CYP19A1: variants seen among roughly 807,000 people sequenced by gnomAD.
CYP19A1 encodes aromatase.
In CYP19A1, 32 loss-of-function variants were observed where a neutral mutation model predicts 44.4. That is an observed-to-expected ratio of 0.72 (90% CI 0.54 to 0.97). The LOEUF is 0.97. Ranked by LOEUF, CYP19A1 falls within the 50% of genes least tolerant of loss-of-function variation. CYP19A1 has a pLI of 0.00. For synonymous variants in CYP19A1, 212 were observed against 215.6 expected (o/e 0.98, Z 0.14); for missense variants, 598 against 637.8 (o/e 0.94, Z 0.67).
intron 1 of CYP19A1, among the ~76,000 whole-genome samples, chr15:51,334,915 C>T (rs550660023): frequency 3.9e-5 from 6 of 152,288 alleles, no homozygotes; most frequent in Middle Eastern, 3.4e-3. Flanking sequence ...GGTAAAAGCC[C>T]AGTCACTCTG....
chr15:51,211,685 G>A, intron 9 of CYP19A1: 1 of 437,034 alleles, frequency 2.3e-6, no homozygotes, highest in South Asian at 1.7e-5. Context: ...TACACCATAT[G>A]CAAATTGAAA....
At position 51,289,797 on chromosome 15, in the gene CYP19A1, G is replaced by A. The variant is rs530053585; in HGVS notation, c.-38-46847C>T. Reference sequence around the variant, plus strand: ...TTTTTAATATTTAACCTTGAAGGGTGGGGAGATGAGAGGGGAATGGGATAG... The same window carrying A: ...TTTTTAATATTTAACCTTGAAGGGTAGGGAGATGAGAGGGGAATGGGATAG... On this transcript the variant is annotated intron_variant, in intron 1 of 9. Transcript: ENST00000396402. 2.0e-4 allele frequency among the ~76,000 whole-genome samples: 31 copies of A among 152,300 alleles called. No homozygotes were observed. The South Asian group carries it at 5.8e-3, about 29-fold the overall frequency.
intron 1 of CYP19A1, among the ~76,000 whole-genome samples, chr15:51,267,243 G>A (rs2034953358): frequency 6.6e-6 from 1 of 152,180 alleles, no homozygotes; most frequent in Non-Finnish European, 1.5e-5. Context: ...GGCACTAGGC[G>A]AGGCAGGGGG....
At chr15:51,294,080 C>G in intron 1 of CYP19A1, among the ~76,000 whole-genome samples, 1 of 137,286 alleles carries the variant, frequency 7.3e-6, no homozygotes, top group African/African-American at 3.3e-5. Context: ...AGGAGCGTCT[C>G]TGCCCGGCCG....
intron 1 of CYP19A1, among the ~76,000 whole-genome samples, chr15:51,306,983 T>C (rs1464340664): frequency 1.3e-5 from 2 of 152,142 alleles, no homozygotes; most frequent in African/African-American, 4.8e-5. Context: ...AACCAGATAA[T>C]GGCAAGCCAG....
chr15:51,302,613 C>G (rs1229619832), intron 1 of CYP19A1, among the ~76,000 whole-genome samples: 2 of 152,202 alleles, frequency 1.3e-5, no homozygotes, highest in Non-Finnish European at 1.5e-5. Context: ...TGGCTTTCCC[C>G]TCTCCCCACT....
At chr15:51,257,263 A>C (rs1307656609) in intron 1 of CYP19A1, among the ~76,000 whole-genome samples, 1 of 152,176 alleles carries the variant, frequency 6.6e-6, no homozygotes, top group African/African-American at 2.4e-5. Flanking sequence ...GTGGCTTGGC[A>C]ATATTAGGTA....
chr15:51,336,766 A>G (rs946693388), intron 1 of CYP19A1, among the ~76,000 whole-genome samples: 4 of 152,332 alleles, frequency 2.6e-5, no homozygotes, highest in Admixed American at 6.5e-5. Flanking sequence ...CTGCCTTTTA[A>G]TGGAAAAACT....
chr15:51,234,920 A>C (rs780763341), intron 3 of CYP19A1, among the ~76,000 whole-genome samples: 1 of 152,170 alleles, frequency 6.6e-6, no homozygotes, highest in Non-Finnish European at 1.5e-5. Context: ...GGCAGCAGGT[A>C]GATATCCTTC....
At chr15:51,229,645 T>C (rs1191060174) in intron 3 of CYP19A1, among the ~76,000 whole-genome samples, 3 of 152,098 alleles carry the variant, frequency 2.0e-5, no homozygotes, top group Admixed American at 6.5e-5. Context: ...TTGTCATATA[T>C]AGAAAAATTA....
At position 51,292,856 on chromosome 15, in the gene CYP19A1, G is replaced by A. The variant is rs1435968944; in HGVS notation, c.-39+45639C>T. Among the ~76,000 whole-genome samples, 4 of 151,284 alleles carry A rather than the reference G, an allele frequency of 2.6e-5. No individual in the cohort carries two copies. The South Asian group carries it at 6.3e-4, about 24-fold the overall frequency. On this transcript the variant is annotated intron_variant, in intron 1 of 9. Coordinates refer to ENST00000396402, the MANE Select transcript of CYP19A1 (RefSeq NM_000103.4). ...CCAAGAGATGCCATTTCCTTTGACT[G>A]GGGTCCTTTAGTGGACACAGGTCTG...
At chr15:51,336,514 G>A (rs1453934926) in intron 1 of CYP19A1, among the ~76,000 whole-genome samples, 3 of 152,172 alleles carry the variant, frequency 2.0e-5, no homozygotes, top group Non-Finnish European at 4.4e-5. Context: ...CCAGTGTGGT[G>A]GAAGGGTGGT....
chr15:51,304,050 C>T (rs1295264026), intron 1 of CYP19A1, among the ~76,000 whole-genome samples: 3 of 152,100 alleles, frequency 2.0e-5, no homozygotes, highest in Non-Finnish European at 2.9e-5. Flanking sequence ...AAAGATAAGA[C>T]CAGGGAGAAA....
rs552350162 is a variant in CYP19A1 at position 51,213,835 on chromosome 15, C to G, written c.1021+1235G>C. Among the ~76,000 whole-genome samples the G allele has an allele frequency of 5.3e-5, 8 of 152,290 alleles. No homozygotes were observed. In the East Asian group the frequency reaches 1.5e-3, roughly 29 times the overall value. The stretch of plus-strand genomic sequence containing the variant: ...TTTCTTTTTCCCACCAGACCATGAG[C>G]CCCGTGAGTGCAGGGGTGGTGTTGG... On this transcript the variant is annotated intron_variant, in intron 8 of 9. Transcript: ENST00000396402.
In CYP19A1 at chr15:51,330,110, G is replaced by A. The variant is rs963139545; in HGVS notation, c.-39+8385C>T. ...AGCAGGGAGGGAGCAGGCACCTCCC[G>A]GAAGCTGGAAGAAGGAACGTGAGGC... On this transcript the variant is annotated intron_variant, in intron 1 of 9. Transcript: ENST00000396402. Among the ~76,000 whole-genome samples, 8 of 152,112 alleles carry A rather than the reference G, an allele frequency of 5.3e-5. No homozygotes were observed. The South Asian group carries it at 6.2e-4, about 12-fold the overall frequency.
intron 1 of CYP19A1, among the ~76,000 whole-genome samples, chr15:51,257,113 A>T (rs927695106): frequency 2.6e-5 from 4 of 152,368 alleles, no homozygotes; most frequent in Non-Finnish European, 4.4e-5. Flanking sequence ...CTCTGCCTGC[A>T]GCATCAATAC....
intron 1 of CYP19A1, among the ~76,000 whole-genome samples, chr15:51,268,519 T>TCC (rs34270729): frequency 0.012 from 1,671 of 138,622 alleles, 20 homozygotes; most frequent in Middle Eastern, 0.016. Context: ...ATCGTTTCCT[T>TCC]CCCCCCCCCC....
intron 1 of CYP19A1, among the ~76,000 whole-genome samples, chr15:51,252,504 AC>A (rs1490242178): frequency 6.6e-6 from 1 of 152,218 alleles, no homozygotes; most frequent in African/African-American, 2.4e-5. Flanking sequence ...ACCCCAAATT[AC>A]AGTTGATAAT....
chr15:51,218,694 G>A (rs1412455789), intron 5 of CYP19A1, 39 bp from the exon 6 acceptor site: 1 of 1,587,026 alleles, frequency 6.3e-7, no homozygotes, highest in Non-Finnish European at 8.6e-7. Context: ...AGAAAGAGCA[G>A]TTGAGCAAAA....
Sources: gnomAD v4.1 joint callset for allele counts (sites outside exome capture counted in the v4.1 genomes callset) on GRCh38, gnomAD v4.1.1 for gene constraint, MANE v1.5 for transcripts, NCBI Gene and HGNC (gene_info 2026-07-23, HGNC 2026-07-21) for gene names.